The following ZNF451 variants were observed in gnomAD, a reference collection of about 807,000 sequenced individuals.
The protein encoded by ZNF451 is zinc finger protein 451, also known as E3 SUMO-protein ligase ZNF451.
In ZNF451, 80 loss-of-function variants were observed where a neutral mutation model predicts 107.1. That is an observed-to-expected ratio of 0.75 (90% confidence interval 0.62 to 0.90). The LOEUF is 0.90. ZNF451 is among the 40% of genes least tolerant of loss of function. The pLI is 0.00. For missense variants in ZNF451, 1,107 were observed against 1,236.2 expected (o/e 0.90, Z 1.57); for synonymous variants, 362 against 406.5 (o/e 0.89, Z 1.32).
In ZNF451 at chr6:57,107,907, C is replaced by T. The variant is rs180727469; in HGVS notation, c.186+8766C>T. On this transcript the variant is annotated intron_variant, in intron 3 of 14. Transcript: ENST00000370706. ...AGGCTGGAGTACAGTGGTGAGATCA[C>T]GGCTCACTGCAAGCTCTGCCTCCCG... The T allele has an allele frequency of 1.1e-4, 76 of 723,770 alleles. No individual in the cohort carries two copies. The African/African-American group carries it at 1.1e-3, about 11-fold the overall frequency. 44.8% of individuals were successfully genotyped at this position (723,770 alleles called of 1,614,324 possible).
intron 2 of ZNF451, among the ~76,000 whole-genome samples, chr6:57,094,078 T>G (rs1350879768): frequency 6.6e-6 from 1 of 152,236 alleles, no homozygotes; most frequent in Non-Finnish European, 1.5e-5. Context: ...CATATTTTGG[T>G]GTATTGATAT....
At position 57,133,019 on chromosome 6, in the gene ZNF451, G is replaced by T. The variant is rs775923456; in HGVS notation, c.425-23G>T. 1.9e-6 allele frequency: 3 copies of T among 1,613,002 alleles called. 1 individual carries two copies. In the South Asian group the frequency reaches 3.3e-5, roughly 18 times the overall value. On this transcript the variant is annotated intron_variant, in intron 5 of 14. Coordinates refer to ENST00000370706, the MANE Select transcript of ZNF451 (RefSeq NM_001031623.3). The stretch of plus-strand genomic sequence containing the variant: ...ATAAGTATCTGAAATAATAACCTAA[G>T]AATTCATATTCTGATGATGCAGGAC...
chr6:57,147,952 C>T lies in ZNF451; in HGVS notation c.1867C>T (p.Gln623Ter). The T allele has an allele frequency of 1.2e-6, 2 of 1,614,124 alleles. No homozygotes were observed. The highest frequency in any genetic ancestry group is 1.7e-6 in the Non-Finnish European group (2 of 1,179,976). ...DMFDSQEYVKQHCMSLASHKF... is the reference protein window; with the variant it reads ...DMFDSQEYVK ...GTTTGATTCCCAGGAATATGTAAAA[C>T]AGCACTGCATGTCTTTGGCAAGCCA... Residue 623 changes from glutamine to a stop codon, truncating the protein, a stop_gained, in exon 10 of 15, where the codon CAG becomes TAG. Transcript: ENST00000370706. LOFTEE classifies it high-confidence loss of function.
intron 3 of ZNF451, chr6:57,101,503 C>G (rs1237454301): frequency 6.4e-7 from 1 of 1,550,974 alleles, no homozygotes; most frequent in Admixed American, 2.0e-5. Flanking sequence ...CACAACATCC[C>G]CTCTAGATTC....
rs757485065 is a variant in ZNF451 at position 57,147,467 on chromosome 6, G to A, written c.1382G>A (p.Cys461Tyr). 3.1e-6 allele frequency: 5 copies of A among 1,614,024 alleles called. No homozygotes were observed. The highest frequency in any genetic ancestry group is 3.4e-6 in the Non-Finnish European group (4 of 1,179,998). The change falls in exon 10 of 15, where the codon TGT (cysteine) becomes TAT (tyrosine). Residue 461 changes from cysteine (C) to tyrosine (Y), a missense_variant. Around this residue, in one of 5 missense-constraint regions of ZNF451, gnomAD observed 608 missense variants for 649.2 expected, o/e 0.94. Coordinates refer to ENST00000370706, the MANE Select transcript of ZNF451 (RefSeq NM_001031623.3). ...GATAAAAGCCATGAAGGTGTTGCTT[G>A]TGTCCAGAAAGAAAAATCAGTAGTT... The part of the protein sequence containing the change: ...LKDKSHEGVA[C>Y]VQKEKSVVKT...
At chr6:57,111,416 T>TA (rs1490188490) in intron 3 of ZNF451, among the ~76,000 whole-genome samples, 1 of 151,772 alleles carries the variant, frequency 6.6e-6, no homozygotes, top group Non-Finnish European at 1.5e-5. Context: ...AGTCTCACTC[T>TA]GTCGCTGAGG....
At chr6:57,112,198 TG>T (rs776261713) in intron 3 of ZNF451, among the ~76,000 whole-genome samples, 100 of 152,264 alleles carry the variant, frequency 6.6e-4, no homozygotes, top group Admixed American at 2.9e-3. Context: ...AACAGAACTT[TG>T]GGGGGTGGTG....
Position 57,147,225 on chromosome 6 carries a change from T to C in ZNF451, c.1140T>C (p.His380=), listed in dbSNP as rs1175299320. 3.7e-6 allele frequency: 6 copies of C among 1,614,048 alleles called. No individual in the cohort carries two copies. Among genetic ancestry groups the C allele is most frequent in the Non-Finnish European group, 4.2e-6 (5 of 1,179,952 alleles). Residue 380 remains histidine (H), a synonymous_variant, in exon 10 of 15, where the codon CAT becomes CAC. Coordinates refer to ENST00000370706, the MANE Select transcript of ZNF451 (RefSeq NM_001031623.3). The stretch of plus-strand genomic sequence containing the variant: ...TGGATGAAACCAGCACCCAAAATCA[T>C]AAGCAGAATTCAGGACACAAAGTCC... ...VFVDETSTQN[H]KQNSGHKVRV... is the part of the protein sequence containing the mutation.
intron 7 of ZNF451, among the ~76,000 whole-genome samples, chr6:57,138,922 GTAA>G (rs1831611008): frequency 6.7e-6 from 1 of 149,864 alleles, no homozygotes; most frequent in African/African-American, 2.5e-5. Context: ...CCATATTTTT[GTAA>G]TAAGTATATT....
Position 57,170,065 on chromosome 6 carries a change from G to A in ZNF451, c.*1596G>A, listed in dbSNP as rs1255131392. The A allele has an allele frequency of 6.6e-6, 1 of 152,172 alleles. No individual in the cohort carries two copies. Among genetic ancestry groups the A allele is most frequent in the East Asian group, 1.9e-4 (1 of 5,194 alleles). 9.4% of individuals were successfully genotyped at this position (152,172 alleles called of 1,614,324 possible). On this transcript the variant is annotated 3_prime_UTR_variant, in exon 15 of 15. Coordinates refer to ENST00000370706, the MANE Select transcript of ZNF451 (RefSeq NM_001031623.3). ...GGTGTGTGTGGTAGAGAATAATTAA[G>A]GCTTCTGATAAGACAGGAAAGGGAT... is the stretch of plus-strand genomic sequence containing the variant.
chr6:57,092,161 T>G (rs565091917), intron 2 of ZNF451, among the ~76,000 whole-genome samples: 3 of 152,330 alleles, frequency 2.0e-5, no homozygotes, highest in African/African-American at 4.8e-5. Flanking sequence ...TTATGGTGTT[T>G]AGTAGAAATA....
chr6:57,099,259 G>T, intron 3 of ZNF451, 118 bp downstream of exon 3: 1 of 792,802 alleles, frequency 1.3e-6, no homozygotes, highest in Non-Finnish European at 2.1e-6. Flanking sequence ...CTATTAGAAT[G>T]GGCTAAAATA....
rs1037032155 is a variant in ZNF451 at position 57,169,337 on chromosome 6, T to C, written c.*868T>C. 2 of 152,172 alleles carry C rather than the reference T, an allele frequency of 1.3e-5. No individual in the cohort carries two copies. The highest frequency in any genetic ancestry group is 4.8e-5 in the African/African-American group (2 of 41,460). 9.4% of individuals were successfully genotyped at this position (152,172 alleles called of 1,614,324 possible). On this transcript the variant is annotated 3_prime_UTR_variant, in exon 15 of 15. Transcript: ENST00000370706. ...TTAAATTTTTATTTCATGTGAAGTG[T>C]TTTCAGTTTAGTTATTCACTGAATT...
At chr6:57,159,431 T>A (rs1376844739) in intron 13 of ZNF451, 16 of 983,820 alleles carry the variant, frequency 1.6e-5, no homozygotes, top group African/African-American at 1.7e-5. Context: ...AGAGCAAGCT[T>A]GTCTAACCTG....
At chr6:57,157,925 A>T (rs1421017157) in intron 13 of ZNF451, among the ~76,000 whole-genome samples, 1 of 152,248 alleles carries the variant, frequency 6.6e-6, no homozygotes, top group African/African-American at 2.4e-5. Flanking sequence ...TTTATTGAAG[A>T]CTACTATGTG....
intron 3 of ZNF451, among the ~76,000 whole-genome samples, chr6:57,113,363 C>T (rs1226908150): frequency 1.3e-5 from 2 of 151,178 alleles, no homozygotes; most frequent in African/African-American, 4.9e-5. Flanking sequence ...ATATGTACTA[C>T]ATTTTCTTTA....
intron 3 of ZNF451, chr6:57,102,399 G>A: frequency 9.5e-7 from 1 of 1,052,744 alleles, no homozygotes; most frequent in Non-Finnish European, 1.1e-6. Flanking sequence ...GAATCCTCTT[G>A]TGATTAAAGA....
At chr6:57,109,737 A>C (rs764198458) in intron 3 of ZNF451, 1 of 930,206 alleles carries the variant, frequency 1.1e-6, no homozygotes, top group Non-Finnish European at 1.3e-6. Context: ...TCTCAAGTAC[A>C]AGCTAAGAAA....
intron 3 of ZNF451, among the ~76,000 whole-genome samples, chr6:57,121,355 A>G (rs1159151956): frequency 2.0e-5 from 3 of 152,146 alleles, no homozygotes; most frequent in Non-Finnish European, 2.9e-5. Flanking sequence ...TGAGTTGGCT[A>G]ATAGTTTTTT....
Sources: allele counts gnomAD v4.1 joint callset (sites outside exome capture counted in the v4.1 genomes callset), GRCh38; gene constraint gnomAD v4.1.1; regional missense constraint gnomAD v4.1.1; transcripts MANE v1.5; gene names NCBI Gene and HGNC (gene_info 2026-07-23, HGNC 2026-07-21).